Variants in VTI1A observed in about 807,000 individuals in gnomAD.
VTI1A encodes the protein vesicle transport through interaction with t-SNAREs homolog 1A.
Under a neutral mutation model 34.9 loss-of-function variants are expected in VTI1A, and 22 were observed. The ratio of observed to expected loss-of-function variants is 0.63; its 90% CI spans 0.45 to 0.90. The LOEUF is 0.90. Among genes scored for constraint, VTI1A ranks in the 40% least tolerant of loss-of-function variants. VTI1A has a pLI of 0.00. For synonymous variants in VTI1A, 87 were observed against 97.3 expected, an observed-to-expected ratio of 0.89 and a Z score of 0.62; for missense variants, 268 against 275.6, an observed-to-expected ratio of 0.97 and a Z score of 0.20.
At chr10:112,613,578 T>G (rs1473483473) in intron 5 of VTI1A, among the ~76,000 whole-genome samples, 1 of 152,204 alleles carries the variant, frequency 6.6e-6, no homozygotes. Flanking sequence ...TTGCAGACTC[T>G]TCACTGCCTA....
the VTI1A span, among the ~76,000 whole-genome samples, chr10:112,836,644 C>T: frequency 6.6e-6 from 1 of 152,196 alleles, no homozygotes; most frequent in South Asian, 2.1e-4. Context: ...TGTAGTAGCA[C>T]TTGAATCTGT....
intron 3 of VTI1A, among the ~76,000 whole-genome samples, chr10:112,475,799 A>G (rs1280037489): frequency 6.6e-6 from 1 of 152,208 alleles, no homozygotes; most frequent in Admixed American, 6.5e-5. Context: ...GTTAGATGGC[A>G]CTAGATGGCA....
chr10:112,527,626 A>T (rs1382519981), intron 4 of VTI1A, among the ~76,000 whole-genome samples: 1 of 151,954 alleles, frequency 6.6e-6, no homozygotes, highest in East Asian at 1.9e-4. Flanking sequence ...TTAAAAATAC[A>T]TTCACCAAAA....
intron 5 of VTI1A, among the ~76,000 whole-genome samples, chr10:112,600,807 A>T (rs1376775005): frequency 2.0e-5 from 3 of 152,254 alleles, no homozygotes; most frequent in African/African-American, 7.2e-5. Context: ...TTAATGTTTG[A>T]TGTGAATTAC....
chr10:112,482,349 C>T (rs1035065782), intron 3 of VTI1A, among the ~76,000 whole-genome samples: 13 of 152,112 alleles, frequency 8.5e-5, no homozygotes, highest in Non-Finnish European at 1.6e-4. Flanking sequence ...GTTGTACCCT[C>T]AGGTGGATTC....
chr10:112,811,056 C>T (rs1853269911), intron 7 of VTI1A, among the ~76,000 whole-genome samples: 2 of 152,184 alleles, frequency 1.3e-5, no homozygotes, highest in Non-Finnish European at 2.9e-5. Flanking sequence ...GTCTGAGAGG[C>T]GGACGGTAGC....
chr10:112,644,781 A>C (rs1846706694), intron 5 of VTI1A, among the ~76,000 whole-genome samples: 1 of 152,228 alleles, frequency 6.6e-6, no homozygotes, highest in African/African-American at 2.4e-5. Context: ...GAAAATGTAC[A>C]GCAGAATTGG....
At chr10:112,777,907 A>G (rs1466162388) in intron 7 of VTI1A, among the ~76,000 whole-genome samples, 1 of 152,196 alleles carries the variant, frequency 6.6e-6, no homozygotes, top group Non-Finnish European at 1.5e-5. Flanking sequence ...GTTCCAGACC[A>G]GCCTGACCAA....
chr10:112,521,207 T>TA (rs1219354186), intron 3 of VTI1A, among the ~76,000 whole-genome samples: 1 of 152,050 alleles, frequency 6.6e-6, no homozygotes, highest in African/African-American at 2.4e-5. Context: ...GATTGGAACT[T>TA]ACTTTCTCTG....
chr10:112,524,245 G>A (rs983805123), intron 3 of VTI1A, among the ~76,000 whole-genome samples: 1 of 151,960 alleles, frequency 6.6e-6, no homozygotes, highest in African/African-American at 2.4e-5. Context: ...CCAATGTTGG[G>A]CATCTAAATA....
intron 7 of VTI1A, among the ~76,000 whole-genome samples, chr10:112,787,947 C>T (rs1045709900): frequency 6.6e-6 from 1 of 151,834 alleles, no homozygotes; most frequent in African/African-American, 2.4e-5. Context: ...AGTGATCCAC[C>T]TGCCTCGGCC....
At chr10:112,594,098 A>C (rs953465909) in intron 5 of VTI1A, among the ~76,000 whole-genome samples, 1 of 151,998 alleles carries the variant, frequency 6.6e-6, no homozygotes, top group African/African-American at 2.4e-5. Flanking sequence ...TTTTTAGTAG[A>C]GTCGGGGTTT....
intron 3 of VTI1A, among the ~76,000 whole-genome samples, chr10:112,469,156 C>A (rs1001827352): frequency 2.6e-5 from 4 of 152,128 alleles, no homozygotes; most frequent in Non-Finnish European, 4.4e-5. Context: ...CTTCACGTGT[C>A]TAATAATTTT....
At chr10:112,646,525 C>CTT (rs34886969) in intron 5 of VTI1A, among the ~76,000 whole-genome samples, 1 of 141,980 alleles carries the variant, frequency 7.0e-6, no homozygotes. Context: ...GTACCATGTT[C>CTT]TTTTTTTTTT....
intron 3 of VTI1A, among the ~76,000 whole-genome samples, chr10:112,494,633 C>G (rs905348353): frequency 1.3e-5 from 2 of 152,072 alleles, no homozygotes; most frequent in Non-Finnish European, 1.5e-5. Flanking sequence ...CTCAGCCTCC[C>G]GAGTAGCTGG....
intron 6 of VTI1A, among the ~76,000 whole-genome samples, 183 bp from the exon 7 acceptor site, chr10:112,668,754 C>T (rs949023100): frequency 2.6e-5 from 4 of 152,154 alleles, no homozygotes; most frequent in South Asian, 2.1e-4. Flanking sequence ...TTACCTCTCA[C>T]GTGTCATTCT....
intron 5 of VTI1A, among the ~76,000 whole-genome samples, chr10:112,633,219 T>A (rs1382149343): frequency 6.6e-6 from 1 of 152,128 alleles, no homozygotes; most frequent in Non-Finnish European, 1.5e-5. Context: ...TTCGGCATCA[T>A]CTGGAACACA....
chr10:112,746,533 G>A (rs7096151), intron 7 of VTI1A, among the ~76,000 whole-genome samples: 60,234 of 152,138 alleles, frequency 0.4, 15,415 homozygotes, highest in African/African-American at 0.73. Flanking sequence ...GGAGTGAAGT[G>A]TCTTGCAAGG....
intron 7 of VTI1A, chr10:112,736,791 G>C: frequency 6.8e-7 from 1 of 1,474,514 alleles, no homozygotes; most frequent in South Asian, 1.2e-5. Context: ...ACCAGCCAGT[G>C]GAAATTACTC....
Sources: gnomAD v4.1 joint callset for allele counts (sites outside exome capture counted in the v4.1 genomes callset) on GRCh38, gnomAD v4.1.1 for gene constraint, MANE v1.5 for transcripts, NCBI Gene and HGNC (gene_info 2026-07-23, HGNC 2026-07-21) for gene names.